Variants in ERCC6 observed in about 807,000 individuals in gnomAD.
ERCC6 encodes the protein ERCC excision repair 6, chromatin remodeling factor.
In ERCC6, 116 loss-of-function variants were observed where a neutral mutation model predicts 158.7. The observed-to-expected ratio is 0.73, with a 90% CI of 0.63 to 0.85. The LOEUF (loss-of-function observed/expected upper bound fraction) is 0.85. ERCC6 is among the 40% of genes least tolerant of loss of function. The pLI is 0.00. For synonymous variants in ERCC6, 678 were observed against 659.3 expected, an observed-to-expected ratio of 1.03 and a Z score of -0.43; for missense variants, 1,698 against 1,799.4, an observed-to-expected ratio of 0.94 and a Z score of 1.02.
intron 4 of ERCC6, chr10:49,525,317 G>C (rs1385000869): frequency 6.2e-6 from 1 of 160,588 alleles, no homozygotes; most frequent in Non-Finnish European, 1.4e-5. Flanking sequence ...ATTACATTAA[G>C]TTAAAAACTC....
In ERCC6 at chr10:49,471,162, C is replaced by T. The variant is rs751952053; in HGVS notation, c.2925-42G>A. ...TAAGCTGGTATAAAACAATGTGTAG[C>T]TCTACCTAAAAATTCAAGTTATAAA... On this transcript the variant is annotated intron_variant, in intron 16 of 20. Transcript: ENST00000355832. 1.9e-6 allele frequency: 3 copies of T among 1,601,796 alleles called. No individual in the cohort carries two copies. The East Asian group carries it at 6.7e-5, about 36-fold the overall frequency.
At chr10:49,507,820 C>A (rs980823907) in intron 5 of ERCC6, among the ~76,000 whole-genome samples, 3 of 152,094 alleles carry the variant, frequency 2.0e-5, no homozygotes, top group Admixed American at 6.6e-5. Context: ...GCCCCCAAAC[C>A]CCTCGGTAAA....
intron 5 of ERCC6, among the ~76,000 whole-genome samples, chr10:49,512,646 A>G (rs1435313215): frequency 6.6e-6 from 1 of 152,248 alleles, no homozygotes; most frequent in Admixed American, 6.5e-5. Context: ...GCTTGGGACA[A>G]GAAGTGTTTT....
At chr10:49,492,448 G>T (rs560980442) in intron 8 of ERCC6, among the ~76,000 whole-genome samples, 3 of 152,312 alleles carry the variant, frequency 2.0e-5, no homozygotes, top group Non-Finnish European at 4.4e-5. Context: ...ATATAAAAAT[G>T]AATCAGACAC....
chr10:49,494,329 T>C (rs4240508), intron 7 of ERCC6, among the ~76,000 whole-genome samples: 96,312 of 152,140 alleles, frequency 0.63, 32,449 homozygotes, highest in South Asian at 0.81. Flanking sequence ...CAGGACCATA[T>C]AGAAAATACT....
chr10:49,523,580 C>T (rs146773818), intron 5 of ERCC6, among the ~76,000 whole-genome samples: 2 of 152,186 alleles, frequency 1.3e-5, no homozygotes, highest in South Asian at 2.1e-4. Flanking sequence ...TCTTTCTATG[C>T]CAAAGCTTAA....
intron 7 of ERCC6, among the ~76,000 whole-genome samples, chr10:49,498,619 T>A (rs902196165): frequency 6.6e-6 from 1 of 152,234 alleles, no homozygotes; most frequent in Non-Finnish European, 1.5e-5. Flanking sequence ...ATCTGGGATG[T>A]AGTCCAATAT....
chr10:49,471,427 C>G (rs1850778893), intron 16 of ERCC6, among the ~76,000 whole-genome samples: 3 of 152,146 alleles, frequency 2.0e-5, no homozygotes, highest in Non-Finnish European at 4.4e-5. Context: ...GACTCATAGT[C>G]TCTCTTAGCC....
At chr10:49,489,406 A>C (rs1851133079) in intron 8 of ERCC6, among the ~76,000 whole-genome samples, 2 of 152,210 alleles carry the variant, frequency 1.3e-5, no homozygotes, top group Admixed American at 1.3e-4. Flanking sequence ...AAGTCCTAAC[A>C]AGTTTACCAA....
At chr10:49,504,254 A>G (rs1261972636) in intron 6 of ERCC6, 1 of 152,214 alleles carries the variant, frequency 6.6e-6, no homozygotes. Flanking sequence ...GAAAATGAAC[A>G]GAAGTTTTAT....
At chr10:49,516,724 G>A (rs1431801118) in intron 5 of ERCC6, 1 of 1,613,988 alleles carries the variant, frequency 6.2e-7, no homozygotes, top group African/African-American at 1.3e-5. Flanking sequence ...TCGTTTGGTG[G>A]TGCTGTAACT....
At chr10:49,497,988 G>C (rs546493661) in intron 7 of ERCC6, among the ~76,000 whole-genome samples, 1 of 152,228 alleles carries the variant, frequency 6.6e-6, no homozygotes, top group South Asian at 2.1e-4. Flanking sequence ...AACTGAGTTT[G>C]AAAGTCAATT....
intron 4 of ERCC6, chr10:49,525,118 C>T (rs1837281930): frequency 9.9e-6 from 3 of 302,772 alleles, no homozygotes; most frequent in African/African-American, 2.2e-5. Flanking sequence ...GCTGAGTAGT[C>T]GTCCATGAGG....
intron 1 of ERCC6, 78 bp downstream of exon 1, chr10:49,538,884 C>G (rs907212857): frequency 0.25 from 208 of 826 alleles, no homozygotes; most frequent in African/African-American, 0.48. Flanking sequence ...AGGCGCGGGG[C>G]CGCGGCCCGC....
chr10:49,461,285 C>T, intron 19 of ERCC6, 67 bp downstream of exon 19: 1 of 1,496,462 alleles, frequency 6.7e-7, no homozygotes, highest in South Asian at 1.1e-5. Flanking sequence ...TCCACACCTG[C>T]CCTGATTTTA....
chr10:49,513,615 C>T (rs1051339786), intron 5 of ERCC6, among the ~76,000 whole-genome samples: 18 of 152,094 alleles, frequency 1.2e-4, no homozygotes, highest in African/African-American at 3.4e-4. Context: ...TGAAGGGCAC[C>T]TTCTTCACAA....
chr10:49,472,773 C>T (rs776827846), intron 15 of ERCC6, 136 bp downstream of exon 15: 5 of 1,069,430 alleles, frequency 4.7e-6, no homozygotes, highest in South Asian at 3.2e-5. Context: ...TCTTCTTTCA[C>T]GTTGAAGAAC....
rs1266203528 is a variant in ERCC6, at chr10:49,493,098, T to C, written c.1821+19A>G. The C allele has an allele frequency of 6.2e-7, 1 of 1,613,338 alleles. No homozygotes were observed. On this transcript the variant is annotated intron_variant, in intron 8 of 20. Coordinates refer to ENST00000355832, the MANE Select transcript of ERCC6 (RefSeq NM_000124.4). ...AGGGCATTAAAACAAAACAAAAAGG[T>C]ACTGAAATATTGTGTTACCTTTTTG...
Position 49,530,443 on chromosome 10 carries a change from G to A in ERCC6, c.543+277C>T, listed in dbSNP as rs4253028. Among the ~76,000 whole-genome samples the A allele has an allele frequency of 0.19, 28,566 of 152,008 alleles. 3,144 individuals carry two copies. The highest frequency in any genetic ancestry group is 0.35 in the South Asian group (1,661 of 4,806). ...TAACAATATTTTCAATTTACGATGG[G>A]TTTGTCGGGATGTAACCCTGTTGTA... On this transcript the variant is annotated intron_variant, in intron 3 of 20. Transcript: ENST00000355832.
Sources: allele counts gnomAD v4.1 joint callset (sites outside exome capture counted in the v4.1 genomes callset), GRCh38; gene constraint gnomAD v4.1.1; transcripts MANE v1.5; gene names NCBI Gene and HGNC (gene_info 2026-07-23, HGNC 2026-07-21).